Variants in FAM168A observed in about 807,000 individuals in gnomAD.
FAM168A encodes the protein protein FAM168A.
FAM168A carries 3 observed loss-of-function variants against 28.5 expected under a neutral mutation model. That is an observed-to-expected ratio of 0.11 (90% CI 0.05 to 0.27). FAM168A has a LOEUF of 0.27. Ranked by LOEUF, FAM168A falls within the 10% of genes least tolerant of loss-of-function variation. The probability of loss-of-function intolerance (pLI) is 1.00; values close to 1 mark genes in which losing one functional copy is unlikely to be tolerated. For synonymous variants in FAM168A, 122 were observed against 124.2 expected (o/e 0.98, Z 0.12); for missense variants, 222 against 311.5 (o/e 0.71, Z 2.16).
intron 1 of FAM168A, among the ~76,000 whole-genome samples, chr11:73,534,393 ATT>A (rs1373731915): frequency 2.0e-5 from 3 of 150,912 alleles, no homozygotes; most frequent in African/African-American, 7.3e-5. Context: ...TTCATTTTTT[ATT>A]TTTATTTATT....
chr11:73,466,019 C>T (rs1229369381), intron 2 of FAM168A, among the ~76,000 whole-genome samples: 1 of 152,054 alleles, frequency 6.6e-6, no homozygotes, highest in Admixed American at 6.6e-5. Context: ...AAGACAGCTG[C>T]TTACTGGAAT....
At chr11:73,506,429 TA>T (rs2134631360) in intron 1 of FAM168A, among the ~76,000 whole-genome samples, 1 of 152,264 alleles carries the variant, frequency 6.6e-6, no homozygotes, top group South Asian at 2.1e-4. Context: ...ACCTTAGCTT[TA>T]AAGAAGGCAG....
intron 3 of FAM168A, among the ~76,000 whole-genome samples, chr11:73,426,703 CTGTGTGTG>C (rs34499254): frequency 2.1e-5 from 3 of 144,298 alleles, no homozygotes; most frequent in African/African-American, 7.7e-5. Flanking sequence ...CCAAAATATG[CTGTGTGTG>C]TGTGTGTGTG....
At chr11:73,503,196 A>G (rs1196871048) in intron 1 of FAM168A, among the ~76,000 whole-genome samples, 1 of 152,230 alleles carries the variant, frequency 6.6e-6, no homozygotes, top group Admixed American at 6.5e-5. Context: ...AAATAGGAAG[A>G]GAGGAAGTCA....
At chr11:73,520,498 A>G (rs1469565456) in intron 1 of FAM168A, among the ~76,000 whole-genome samples, 1 of 152,202 alleles carries the variant, frequency 6.6e-6, no homozygotes, top group Non-Finnish European at 1.5e-5. Flanking sequence ...TTCCAAGACA[A>G]AGGAACATAT....
chr11:73,596,546 T>C (rs1295719028), intron 1 of FAM168A, among the ~76,000 whole-genome samples: 3 of 152,096 alleles, frequency 2.0e-5, no homozygotes, highest in Non-Finnish European at 4.4e-5. Context: ...CCCGAACAGA[T>C]TAAAATGGCC....
intron 1 of FAM168A, among the ~76,000 whole-genome samples, chr11:73,511,606 T>C (rs1025533328): frequency 2.0e-5 from 3 of 151,222 alleles, no homozygotes; most frequent in Admixed American, 2.0e-4. Context: ...GTAGGACTTA[T>C]TTGCAAATTT....
intron 3 of FAM168A, among the ~76,000 whole-genome samples, chr11:73,423,608 T>A (rs756292198): frequency 7.2e-5 from 11 of 152,184 alleles, no homozygotes; most frequent in Non-Finnish European, 1.0e-4. Context: ...CCAAACTCCA[T>A]CTGGTAATAT....
intron 1 of FAM168A, among the ~76,000 whole-genome samples, chr11:73,534,519 C>T (rs1943552989): frequency 6.6e-6 from 1 of 152,024 alleles, no homozygotes; most frequent in Admixed American, 6.5e-5. Context: ...TCTCCTCCCT[C>T]AGCCTCCCGA....
intron 1 of FAM168A, among the ~76,000 whole-genome samples, chr11:73,570,731 C>T (rs1400669783): frequency 4.9e-5 from 7 of 141,736 alleles, no homozygotes; most frequent in Non-Finnish European, 9.1e-5. Context: ...GAGATACTGT[C>T]TCAAAAAAAA....
chr11:73,460,982 G>A (rs1239362259), intron 2 of FAM168A, among the ~76,000 whole-genome samples: 1 of 152,226 alleles, frequency 6.6e-6, no homozygotes, highest in Admixed American at 6.5e-5. Context: ...TTGGCTGCCA[G>A]AGGTCTGGGT....
chr11:73,556,857 C>T (rs1943897463), intron 1 of FAM168A, among the ~76,000 whole-genome samples: 1 of 150,016 alleles, frequency 6.7e-6, no homozygotes, highest in Admixed American at 6.6e-5. Flanking sequence ...CCTGCCTCTA[C>T]TAAAAAAAAA....
chr11:73,597,998 G>T lies in FAM168A; in HGVS notation c.-94C>A. On this transcript the variant is annotated 5_prime_UTR_variant, in exon 1 of 8. Coordinates refer to ENST00000356467, the MANE Select transcript of FAM168A (RefSeq NM_015159.3). Reference sequence around the variant, plus strand: ...TGCCCTTGTCTTCTCCGGAGGCTACGGCGGCGACGCTCTCGCCCGTGTCCA... The same window carrying T: ...TGCCCTTGTCTTCTCCGGAGGCTACTGCGGCGACGCTCTCGCCCGTGTCCA... 1 of 154,122 alleles carries T rather than the reference G, an allele frequency of 6.5e-6. No homozygotes were observed. The highest frequency in any genetic ancestry group is 1.9e-4 in the South Asian group (1 of 5,156). 9.5% of individuals were successfully genotyped at this position (154,122 alleles called of 1,614,324 possible).
intron 1 of FAM168A, among the ~76,000 whole-genome samples, chr11:73,533,363 A>C (rs1236603719): frequency 6.6e-6 from 1 of 152,162 alleles, no homozygotes; most frequent in Non-Finnish European, 1.5e-5. Flanking sequence ...AGCAAGCAAA[A>C]AAGGTCTCTC....
At chr11:73,408,418 A>G (rs890928178) in intron 6 of FAM168A, among the ~76,000 whole-genome samples, 3 of 152,158 alleles carry the variant, frequency 2.0e-5, no homozygotes, top group Non-Finnish European at 4.4e-5. Flanking sequence ...GACAGAATAA[A>G]ATCCAAATGC....
At chr11:73,472,297 G>C (rs1867826834) in intron 1 of FAM168A, among the ~76,000 whole-genome samples, 1 of 152,224 alleles carries the variant, frequency 6.6e-6, no homozygotes, top group Non-Finnish European at 1.5e-5. Flanking sequence ...AGCAAGCCAT[G>C]GAGATCTCTG....
intron 3 of FAM168A, among the ~76,000 whole-genome samples, chr11:73,421,075 G>C (rs1400295046): frequency 6.6e-6 from 1 of 151,142 alleles, no homozygotes; most frequent in Non-Finnish European, 1.5e-5. Context: ...AAGTCTTGGG[G>C]GGGGGGTCAT....
chr11:73,469,834 C>G (rs533500570), intron 1 of FAM168A, among the ~76,000 whole-genome samples: 1 of 152,152 alleles, frequency 6.6e-6, no homozygotes, highest in Non-Finnish European at 1.5e-5. Context: ...GTAACATACA[C>G]TCTCTCTCTA....
At chr11:73,465,865 C>T (rs1365387012) in intron 2 of FAM168A, among the ~76,000 whole-genome samples, 1 of 152,068 alleles carries the variant, frequency 6.6e-6, no homozygotes, top group Admixed American at 6.5e-5. Context: ...GTTATAACCA[C>T]ATTATAGATT....
Sources: allele counts gnomAD v4.1 joint callset (sites outside exome capture counted in the v4.1 genomes callset), GRCh38; gene constraint gnomAD v4.1.1; transcripts MANE v1.5; gene names NCBI Gene and HGNC (gene_info 2026-07-23, HGNC 2026-07-21).